The following GRM7 variants were observed in gnomAD, a reference collection of about 807,000 sequenced individuals.
GRM7 encodes glutamate metabotropic receptor 7, also known as metabotropic glutamate receptor 7.
A neutral mutation model predicts 84.5 loss-of-function variants in GRM7; 35 were observed. The observed-to-expected ratio is 0.41, with a 90% CI of 0.32 to 0.55. GRM7 has a LOEUF of 0.55. Among genes scored for constraint, GRM7 ranks in the 20% least tolerant of loss-of-function variants. The pLI is 0.19. For missense variants in GRM7, 1,003 were observed against 1,194.6 expected, an observed-to-expected ratio of 0.84 and a Z score of 2.36; for synonymous variants, 487 against 455.1, an observed-to-expected ratio of 1.07 and a Z score of -0.89.
intron 1 of GRM7, among the ~76,000 whole-genome samples, chr3:7,098,340 G>T (rs1344600983): frequency 6.6e-6 from 1 of 152,054 alleles, no homozygotes; most frequent in Non-Finnish European, 1.5e-5. Flanking sequence ...AGAAATATGG[G>T]TTAGGGTAAC....
intron 7 of GRM7, among the ~76,000 whole-genome samples, chr3:7,529,485 G>A (rs1231702987): frequency 6.6e-6 from 1 of 152,114 alleles, no homozygotes; most frequent in Non-Finnish European, 1.5e-5. Context: ...TTCCTTATTT[G>A]TTTAGGAGAG....
intron 7 of GRM7, among the ~76,000 whole-genome samples, chr3:7,518,877 C>T (rs1700489035): frequency 6.6e-6 from 1 of 152,212 alleles, no homozygotes; most frequent in Admixed American, 6.5e-5. Context: ...GCTGTTTTAA[C>T]ATTTAAGATT....
chr3:7,162,783 G>T (rs1437691692), intron 2 of GRM7, among the ~76,000 whole-genome samples: 4 of 54,566 alleles, frequency 7.3e-5, no homozygotes, highest in Non-Finnish European at 7.9e-5. Context: ...TTTTTGAGAT[G>T]GAGTCTCATT....
chr3:6,996,067 G>A (rs537603934), intron 1 of GRM7, among the ~76,000 whole-genome samples: 4 of 141,918 alleles, frequency 2.8e-5, no homozygotes, highest in Admixed American at 2.2e-4. Context: ...ATTTTTTTTT[G>A]AGACAAAGTC....
At chr3:7,113,152 T>C (rs1417488126) in intron 1 of GRM7, among the ~76,000 whole-genome samples, 5 of 152,176 alleles carry the variant, frequency 3.3e-5, no homozygotes, top group South Asian at 2.1e-4. Flanking sequence ...TTAAAAATCA[T>C]TGTGTACTTG....
chr3:7,725,367 T>C (rs1702088094), intron 9 of GRM7, among the ~76,000 whole-genome samples: 1 of 152,196 alleles, frequency 6.6e-6, no homozygotes, highest in African/African-American at 2.4e-5. Flanking sequence ...GTGGATACTT[T>C]TGGCCTGGGT....
chr3:7,506,383 T>C (rs1032036568), intron 7 of GRM7, among the ~76,000 whole-genome samples: 1 of 152,218 alleles, frequency 6.6e-6, no homozygotes, highest in Non-Finnish European at 1.5e-5. Flanking sequence ...CGAATCACTC[T>C]TGATGCCCCA....
At chr3:7,141,957 C>T (rs1057188282) in intron 1 of GRM7, among the ~76,000 whole-genome samples, 7 of 151,462 alleles carry the variant, frequency 4.6e-5, no homozygotes, top group Non-Finnish European at 1.0e-4. Flanking sequence ...TAAATGTAAA[C>T]CTCAAATATT....
chr3:7,220,019 A>G (rs992837420), intron 2 of GRM7, among the ~76,000 whole-genome samples: 10 of 152,250 alleles, frequency 6.6e-5, no homozygotes, highest in African/African-American at 1.9e-4. Flanking sequence ...GTATTGGACT[A>G]TAATTCAAAG....
intron 2 of GRM7, among the ~76,000 whole-genome samples, chr3:7,280,887 A>G (rs1028064654): frequency 2.6e-5 from 4 of 152,212 alleles, no homozygotes; most frequent in African/African-American, 9.6e-5. Context: ...CTGAACAGGT[A>G]TATGAAAAAG....
At chr3:7,220,269 C>T (rs1696756671) in intron 2 of GRM7, among the ~76,000 whole-genome samples, 1 of 152,180 alleles carries the variant, frequency 6.6e-6, no homozygotes, top group Non-Finnish European at 1.5e-5. Context: ...AGAAACCTGA[C>T]AAACACTATC....
At chr3:7,442,417 T>C (rs1193638633) in intron 5 of GRM7, among the ~76,000 whole-genome samples, 2 of 152,190 alleles carry the variant, frequency 1.3e-5, no homozygotes, top group Non-Finnish European at 1.5e-5. Flanking sequence ...CAGAGATAGT[T>C]TGACTTTGTT....
chr3:7,509,316 A>T (rs1170774824), intron 7 of GRM7, among the ~76,000 whole-genome samples: 2 of 152,142 alleles, frequency 1.3e-5, no homozygotes, highest in African/African-American at 4.8e-5. Context: ...TAATCTCTGC[A>T]CCTAATTTAT....
At chr3:7,064,873 T>C (rs1697594224) in intron 1 of GRM7, among the ~76,000 whole-genome samples, 1 of 151,888 alleles carries the variant, frequency 6.6e-6, no homozygotes, top group Non-Finnish European at 1.5e-5. Flanking sequence ...TTTTTGATTA[T>C]GGCCATTTTT....
intron 1 of GRM7, among the ~76,000 whole-genome samples, chr3:7,043,343 C>G (rs937064693): frequency 3.9e-5 from 6 of 152,184 alleles, no homozygotes; most frequent in Non-Finnish European, 8.8e-5. Flanking sequence ...CCTGGACTCT[C>G]AGCTTTGTCT....
intron 1 of GRM7, among the ~76,000 whole-genome samples, chr3:7,099,504 GTACACATATA>G (rs1699006918): frequency 7.1e-6 from 1 of 140,300 alleles, no homozygotes. Flanking sequence ...CATTATACAT[GTACACATATA>G]TGTATATGTA....
intron 1 of GRM7, among the ~76,000 whole-genome samples, chr3:6,971,207 C>T (rs1471504105): frequency 6.6e-6 from 1 of 151,904 alleles, no homozygotes; most frequent in Admixed American, 6.6e-5. Context: ...CAACAAAGCA[C>T]TTTGCTAATT....
intron 1 of GRM7, among the ~76,000 whole-genome samples, chr3:6,872,117 T>G (rs937055942): frequency 6.6e-6 from 1 of 152,086 alleles, no homozygotes; most frequent in African/African-American, 2.4e-5. Flanking sequence ...TTGGGAGGTA[T>G]GAAAGATCCA....
chr3:7,093,432 C>G (rs1420452830), intron 1 of GRM7, among the ~76,000 whole-genome samples: 1 of 151,728 alleles, frequency 6.6e-6, no homozygotes, highest in South Asian at 2.1e-4. Context: ...GCAATCCAAG[C>G]ACTTTGGGAG....
Sources: gnomAD v4.1 joint callset for allele counts (sites outside exome capture counted in the v4.1 genomes callset) on GRCh38, gnomAD v4.1.1 for gene constraint, MANE v1.5 for transcripts, NCBI Gene and HGNC (gene_info 2026-07-23, HGNC 2026-07-21) for gene names.